The following FOXP1 variants were observed in gnomAD, a reference collection of about 807,000 sequenced individuals.
FOXP1 encodes the protein forkhead box P1, also known as forkhead box protein P1.
FOXP1 carries 15 observed loss-of-function variants against 98.2 expected under a neutral mutation model. The ratio of observed to expected loss-of-function variants is 0.15; its 90% CI spans 0.10 to 0.24. The LOEUF is 0.24. Among genes scored for constraint, FOXP1 ranks in the 10% least tolerant of loss-of-function variants. FOXP1 has a pLI of 1.00. For synonymous variants in FOXP1, 371 were observed against 314.5 expected (o/e 1.18, Z -1.90); for missense variants, 633 against 848.5 (o/e 0.75, Z 3.15).
At chr3:71,311,276 G>C (rs953806355) in intron 4 of FOXP1, among the ~76,000 whole-genome samples, 5 of 152,092 alleles carry the variant, frequency 3.3e-5, no homozygotes, top group East Asian at 1.9e-4. Context: ...TTTTTGTAGG[G>C]ACAAGGTCTC....
chr3:71,049,567 A>T (rs2049550861), intron 9 of FOXP1, among the ~76,000 whole-genome samples: 1 of 152,078 alleles, frequency 6.6e-6, no homozygotes, highest in Non-Finnish European at 1.5e-5. Context: ...AGGAAAAAAA[A>T]AAGAGCAAAG....
intron 5 of FOXP1, among the ~76,000 whole-genome samples, chr3:71,216,753 A>T (rs926143893): frequency 1.3e-5 from 2 of 148,852 alleles, no homozygotes; most frequent in East Asian, 2.0e-4. Flanking sequence ...ACCAGGAATT[A>T]AAAAAAAAAT....
chr3:71,282,629 T>C (rs2071692733), intron 5 of FOXP1, among the ~76,000 whole-genome samples: 1 of 152,020 alleles, frequency 6.6e-6, no homozygotes, highest in Non-Finnish European at 1.5e-5. Flanking sequence ...AAAAAAGGCT[T>C]CAAGAAATCT....
intron 5 of FOXP1, among the ~76,000 whole-genome samples, chr3:71,246,386 C>A (rs955123151): frequency 2.0e-5 from 3 of 152,086 alleles, no homozygotes; most frequent in African/African-American, 7.2e-5. Context: ...ATAAATGATA[C>A]ATGTAATTAA....
chr3:71,347,822 T>C (rs1577074602), intron 4 of FOXP1, among the ~76,000 whole-genome samples: 1 of 149,246 alleles, frequency 6.7e-6, no homozygotes, highest in African/African-American at 2.5e-5. Context: ...GAGGCGGAGG[T>C]TGCAGTGAGC....
chr3:71,281,873 T>C (rs548683099), intron 5 of FOXP1, among the ~76,000 whole-genome samples: 2 of 151,578 alleles, frequency 1.3e-5, no homozygotes, highest in East Asian at 3.9e-4. Flanking sequence ...GGCCAAGGCA[T>C]GTCACTTGAG....
intron 7 of FOXP1, among the ~76,000 whole-genome samples, chr3:71,089,595 T>A (rs2107590475): frequency 6.6e-6 from 1 of 152,276 alleles, no homozygotes; most frequent in South Asian, 2.1e-4. Context: ...TGCACACACT[T>A]TCTTCCTGCA....
At chr3:71,351,652 T>A (rs1353004128) in intron 4 of FOXP1, among the ~76,000 whole-genome samples, 2 of 152,218 alleles carry the variant, frequency 1.3e-5, no homozygotes, top group African/African-American at 4.8e-5. Context: ...TCCAGGTGAA[T>A]GTTTCCAAGA....
chr3:70,961,311 A>C (rs546709781), intron 20 of FOXP1, among the ~76,000 whole-genome samples: 2 of 151,860 alleles, frequency 1.3e-5, no homozygotes, highest in African/African-American at 2.4e-5. Context: ...GCTCACTGCA[A>C]CCTCCAACCC....
intron 5 of FOXP1, among the ~76,000 whole-genome samples, chr3:71,295,769 G>A (rs2073224638): frequency 6.6e-6 from 1 of 152,128 alleles, no homozygotes; most frequent in Non-Finnish European, 1.5e-5. Context: ...AATGGTGAGG[G>A]GAGGCAGGAA....
chr3:71,335,532 T>C (rs998700139), intron 4 of FOXP1, among the ~76,000 whole-genome samples: 1 of 151,794 alleles, frequency 6.6e-6, no homozygotes. Flanking sequence ...AAATAGGAGG[T>C]TAAATAAAAG....
At chr3:71,473,607 T>C (rs537756926) in intron 3 of FOXP1, among the ~76,000 whole-genome samples, 55 of 151,932 alleles carry the variant, frequency 3.6e-4, no homozygotes, top group Non-Finnish European at 7.5e-4. Context: ...GATGTATAAC[T>C]GCCCGCCACC....
At chr3:71,220,683 G>C (rs985408438) in intron 5 of FOXP1, among the ~76,000 whole-genome samples, 3 of 152,010 alleles carry the variant, frequency 2.0e-5, no homozygotes, top group Non-Finnish European at 4.4e-5. Flanking sequence ...AGCCTGGGAG[G>C]TGGAGGTTGC....
rs938370491 is a variant in FOXP1 at position 70,957,635 on chromosome 3, T to G, written c.*1612A>C. The G allele has an allele frequency of 1.3e-5, 3 of 232,874 alleles. No homozygotes were observed. The highest frequency in any genetic ancestry group is 6.6e-5 in the African/African-American group (3 of 45,300). The allele number at this position is 232,874 out of a possible 1,614,324, so 14.4% of individuals were successfully genotyped here. A position where few individuals can be genotyped will look rare whatever the true frequency, so the allele number is the denominator to read the frequency against. On this transcript the variant is annotated 3_prime_UTR_variant, in exon 21 of 21. Coordinates refer to ENST00000649528, the MANE Select transcript of FOXP1 (RefSeq NM_001349338.3). The stretch of plus-strand genomic sequence containing the variant: ...CAGGAAAGTGGGTGCAGAGCTGAAG[T>G]GTGGAGGGGTTCTAAGGACTGAGGT...
intron 3 of FOXP1, among the ~76,000 whole-genome samples, chr3:71,476,418 CTTT>C (rs1425365496): frequency 6.6e-6 from 1 of 150,700 alleles, no homozygotes; most frequent in African/African-American, 2.4e-5. Context: ...CATTCTCTTT[CTTT>C]CTTTCATTTG....
intron 5 of FOXP1, among the ~76,000 whole-genome samples, chr3:71,298,278 A>G (rs1281904708): frequency 6.6e-6 from 1 of 152,080 alleles, no homozygotes; most frequent in African/African-American, 2.4e-5. Context: ...CAGCCTGACC[A>G]ACATGGTGAA....
chr3:70,958,219 AG>A lies in FOXP1; in HGVS notation c.*1027del. On this transcript the variant is annotated 3_prime_UTR_variant, in exon 21 of 21. Transcript: ENST00000649528. ...TGCAAAAAAAAAAAAAGAAAAGAAA[AG>A]AAAAAAAGAAAATCCGAAACACCCC... The A allele has an allele frequency of 2.1e-6, 1 of 475,836 alleles. No homozygotes were observed. Among genetic ancestry groups the A allele is most frequent in the South Asian group, 1.8e-5 (1 of 54,736 alleles). 29.5% of individuals were successfully genotyped at this position (475,836 alleles called of 1,614,324 possible).
intron 10 of FOXP1, among the ~76,000 whole-genome samples, chr3:71,042,778 A>G (rs2048524310): frequency 6.6e-6 from 1 of 152,228 alleles, no homozygotes; most frequent in Non-Finnish European, 1.5e-5. Flanking sequence ...TTTGAAACAC[A>G]TAATAAAAAA....
chr3:70,992,170 T>C (rs573099510), intron 13 of FOXP1, among the ~76,000 whole-genome samples: 9 of 152,256 alleles, frequency 5.9e-5, no homozygotes, highest in African/African-American at 1.7e-4. Context: ...GAAGTAGGTA[T>C]TTTTAAATAA....
Sources: gnomAD v4.1 joint callset for allele counts (sites outside exome capture counted in the v4.1 genomes callset) on GRCh38, gnomAD v4.1.1 for gene constraint, MANE v1.5 for transcripts, NCBI Gene and HGNC (gene_info 2026-07-23, HGNC 2026-07-21) for gene names.